The following OPCML variants were observed in gnomAD, a reference collection of about 807,000 sequenced individuals.
OPCML encodes the protein opioid-binding protein/cell adhesion molecule.
OPCML carries 13 observed loss-of-function variants against 37.8 expected under a neutral mutation model. That is an observed-to-expected ratio of 0.34 (90% CI 0.22 to 0.55). The LOEUF is 0.55. OPCML is among the 20% of genes least tolerant of loss of function. The pLI, the probability that OPCML is intolerant of heterozygous loss-of-function variation, is 0.91. For missense variants in OPCML, 341 were observed against 435.6 expected, an observed-to-expected ratio of 0.78 and a Z score of 1.93; for synonymous variants, 176 against 168.8, an observed-to-expected ratio of 1.04 and a Z score of -0.33.
At chr11:133,368,653 C>A (rs776607189) in intron 1 of OPCML, among the ~76,000 whole-genome samples, 1 of 152,186 alleles carries the variant, frequency 6.6e-6, no homozygotes, top group African/African-American at 2.4e-5. Flanking sequence ...TCTTTTTTAT[C>A]TACATGTTCC....
At chr11:133,300,023 CCTTT>C (rs1006596187) in intron 1 of OPCML, 17 of 152,186 alleles carry the variant, frequency 1.1e-4, no homozygotes, top group African/African-American at 3.9e-4. Flanking sequence ...ATGCCACGGT[CCTTT>C]CTTTCAGTGA....
intron 1 of OPCML, among the ~76,000 whole-genome samples, chr11:133,488,664 A>C (rs1020234277): frequency 1.3e-5 from 2 of 152,190 alleles, no homozygotes; most frequent in Admixed American, 6.5e-5. Context: ...CAATCTACAG[A>C]TTCAATGCAA....
At chr11:132,718,236 C>T (rs538799799) in intron 2 of OPCML, among the ~76,000 whole-genome samples, 8 of 152,292 alleles carry the variant, frequency 5.3e-5, no homozygotes, top group East Asian at 1.9e-4. Context: ...AGCCGTGGAG[C>T]AGACGTGATT....
chr11:132,723,970 A>G lies in OPCML; in HGVS notation c.147-66651T>C, dbSNP rs1565809256. Among the ~76,000 whole-genome samples the G allele has an allele frequency of 3.3e-5, 5 of 152,200 alleles. No individual in the cohort carries two copies. The South Asian group carries it at 8.3e-4, about 25-fold the overall frequency. ...GGCCATGTGGGGTTCTTAAGCAAAT[A>G]AAGCCTAAGACAGCCAGACACAGCT... On this transcript the variant is annotated intron_variant, in intron 2 of 7. Coordinates refer to ENST00000524381, the MANE Select transcript of OPCML (RefSeq NM_001012393.5).
At chr11:133,469,238 A>T (rs1393502911) in intron 1 of OPCML, among the ~76,000 whole-genome samples, 1 of 152,206 alleles carries the variant, frequency 6.6e-6, no homozygotes. Context: ...CACATATATG[A>T]TAGTGGTCTC....
chr11:132,622,505 A>G (rs1315636208), intron 3 of OPCML, among the ~76,000 whole-genome samples: 2 of 152,210 alleles, frequency 1.3e-5, no homozygotes, highest in Non-Finnish European at 2.9e-5. Context: ...TGCTCTTGGA[A>G]AAACATGGCT....
chr11:132,426,723 C>A (rs756672807), intron 7 of OPCML, among the ~76,000 whole-genome samples: 7 of 152,206 alleles, frequency 4.6e-5, no homozygotes, highest in Non-Finnish European at 1.0e-4. Flanking sequence ...TGAGCCACCA[C>A]GCCTGGCCTA....
chr11:133,243,936 A>G (rs1015178844), intron 1 of OPCML, among the ~76,000 whole-genome samples: 14 of 152,190 alleles, frequency 9.2e-5, no homozygotes, highest in Non-Finnish European at 1.9e-4. Context: ...CAATGTGTGC[A>G]CACCAAGTCC....
chr11:133,069,871 T>A (rs1948497023), intron 1 of OPCML, among the ~76,000 whole-genome samples: 2 of 152,044 alleles, frequency 1.3e-5, no homozygotes, highest in Admixed American at 6.5e-5. Flanking sequence ...GGGGGACACA[T>A]GAACGATTCT....
At chr11:132,971,147 C>G (rs1946334162) in intron 1 of OPCML, among the ~76,000 whole-genome samples, 1 of 152,194 alleles carries the variant, frequency 6.6e-6, no homozygotes. Flanking sequence ...AAAACAACAT[C>G]TTTCAAAATT....
At chr11:133,429,097 G>A (rs1164952054) in intron 1 of OPCML, among the ~76,000 whole-genome samples, 1 of 152,160 alleles carries the variant, frequency 6.6e-6, no homozygotes, top group African/African-American at 2.4e-5. Context: ...AGGAGTGGGG[G>A]AAGAATACAA....
intron 1 of OPCML, among the ~76,000 whole-genome samples, chr11:133,323,948 T>C (rs1943394046): frequency 6.6e-6 from 1 of 152,184 alleles, no homozygotes; most frequent in Non-Finnish European, 1.5e-5. Flanking sequence ...TCTAAATCAC[T>C]CAGAAGGGAG....
chr11:133,457,282 T>G (rs1249277360), intron 1 of OPCML, among the ~76,000 whole-genome samples: 1 of 152,112 alleles, frequency 6.6e-6, no homozygotes, highest in Non-Finnish European at 1.5e-5. Flanking sequence ...ACCGTAATTC[T>G]AGCACTTTGG....
At chr11:132,962,250 C>G (rs943605023) in intron 1 of OPCML, among the ~76,000 whole-genome samples, 13 of 152,156 alleles carry the variant, frequency 8.5e-5, no homozygotes, top group African/African-American at 3.1e-4. Context: ...AGGAAGAAAA[C>G]TGAGCAAGGG....
At chr11:132,984,110 G>A (rs1437430802) in intron 1 of OPCML, among the ~76,000 whole-genome samples, 1 of 152,168 alleles carries the variant, frequency 6.6e-6, no homozygotes, top group Non-Finnish European at 1.5e-5. Flanking sequence ...GGTTGACCCT[G>A]CAGGTGATCT....
At chr11:132,636,432 A>G (rs1043768619) in intron 3 of OPCML, among the ~76,000 whole-genome samples, 3 of 152,234 alleles carry the variant, frequency 2.0e-5, no homozygotes, top group African/African-American at 7.2e-5. Flanking sequence ...TAATTCAGTC[A>G]AAACACAGGG....
At chr11:132,764,592 T>A (rs1473074734) in intron 2 of OPCML, among the ~76,000 whole-genome samples, 1 of 152,190 alleles carries the variant, frequency 6.6e-6, no homozygotes, top group Non-Finnish European at 1.5e-5. Flanking sequence ...AGATAATGCA[T>A]GTAAATCCCT....
At chr11:133,232,715 T>C (rs1379598951) in intron 1 of OPCML, among the ~76,000 whole-genome samples, 1 of 152,204 alleles carries the variant, frequency 6.6e-6, no homozygotes, top group East Asian at 1.9e-4. Context: ...ACTTATTAGA[T>C]TATTTTGAGC....
At chr11:133,457,729 C>G (rs781755837) in intron 1 of OPCML, among the ~76,000 whole-genome samples, 1 of 151,942 alleles carries the variant, frequency 6.6e-6, no homozygotes, top group African/African-American at 2.4e-5. Flanking sequence ...AAATGGGAAA[C>G]AAATTATGAC....
Sources: allele counts gnomAD v4.1 joint callset (sites outside exome capture counted in the v4.1 genomes callset), GRCh38; gene constraint gnomAD v4.1.1; transcripts MANE v1.5; gene names NCBI Gene and HGNC (gene_info 2026-07-23, HGNC 2026-07-21).